The following RERE variants were observed in gnomAD, a reference collection of about 807,000 sequenced individuals.
RERE encodes arginine-glutamic acid dipeptide repeats, also known as arginine-glutamic acid dipeptide repeats protein.
RERE carries 40 observed loss-of-function variants against 146.1 expected under a neutral mutation model. That is an observed-to-expected ratio of 0.27 (90% CI 0.21 to 0.36). The LOEUF (loss-of-function observed/expected upper bound fraction) is 0.36. RERE is among the 10% of genes least tolerant of loss of function. The probability of loss-of-function intolerance (pLI) is 1.00; values close to 1 mark genes in which losing one functional copy is unlikely to be tolerated. For synonymous variants in RERE, 1,003 were observed against 866.0 expected, an observed-to-expected ratio of 1.16 and a Z score of -2.78; for missense variants, 1,933 against 2,138.7, an observed-to-expected ratio of 0.90 and a Z score of 1.90.
At position 8,791,639 on chromosome 1, in the gene RERE, A is replaced by C. The variant is rs150676055; in HGVS notation, c.-145+25521T>G. ...ACAAGTTACATTTCACTTACTAAGC[A>C]ACTGGTCTATCTTTTCAGAATAAAT... On this transcript the variant is annotated intron_variant, in intron 1 of 22. Transcript: ENST00000400908. 2.0e-5 allele frequency among the ~76,000 whole-genome samples: 3 copies of C among 152,324 alleles called. No homozygotes were observed. In the East Asian group the frequency reaches 5.8e-4, roughly 29 times the overall value.
At chr1:8,692,674 G>A (rs1032066730) in intron 1 of RERE, among the ~76,000 whole-genome samples, 1 of 152,026 alleles carries the variant, frequency 6.6e-6, no homozygotes, top group Non-Finnish European at 1.5e-5. Flanking sequence ...AGAATCTCTA[G>A]ATTACGTATA....
intron 8 of RERE, among the ~76,000 whole-genome samples, chr1:8,500,507 C>G (rs1363416308): frequency 6.6e-6 from 1 of 152,240 alleles, no homozygotes; most frequent in Non-Finnish European, 1.5e-5. Context: ...CTCGTTCACT[C>G]AGTGCTCAAT....
intron 8 of RERE, among the ~76,000 whole-genome samples, chr1:8,500,425 CTGGTCT>C (rs1271843928): frequency 6.6e-6 from 1 of 152,258 alleles, no homozygotes; most frequent in Non-Finnish European, 1.5e-5. Flanking sequence ...GTTGGCCGGG[CTGGTCT>C]CAGCTCCTGA....
At chr1:8,416,267 A>G (rs568563925) in intron 12 of RERE, among the ~76,000 whole-genome samples, 28 of 152,338 alleles carry the variant, frequency 1.8e-4, no homozygotes, top group African/African-American at 6.3e-4. Flanking sequence ...GGGAGTGGGA[A>G]TTGAGAAGAA....
chr1:8,587,495 C>A (rs998443128), intron 4 of RERE, among the ~76,000 whole-genome samples: 2 of 152,156 alleles, frequency 1.3e-5, no homozygotes, highest in Admixed American at 1.3e-4. Flanking sequence ...AACTTCACAT[C>A]CCTCCCCTCC....
intron 2 of RERE, among the ~76,000 whole-genome samples, chr1:8,645,840 T>C (rs559722382): frequency 1.1e-4 from 16 of 152,374 alleles, no homozygotes; most frequent in South Asian, 2.1e-4. Context: ...TGCTAAAGAA[T>C]TGTCTTTCAC....
At chr1:8,688,452 T>C (rs1639138033) in intron 1 of RERE, among the ~76,000 whole-genome samples, 2 of 151,964 alleles carry the variant, frequency 1.3e-5, no homozygotes, top group Non-Finnish European at 2.9e-5. Context: ...TCCTAGCTAC[T>C]TGGGAGGCTG....
At chr1:8,680,850 A>C (rs1161614665) in intron 1 of RERE, among the ~76,000 whole-genome samples, 1 of 152,178 alleles carries the variant, frequency 6.6e-6, no homozygotes, top group Non-Finnish European at 1.5e-5. Flanking sequence ...GAAAAACACT[A>C]TAGCCCGGGA....
At chr1:8,454,879 A>G (rs1340758320) in intron 11 of RERE, among the ~76,000 whole-genome samples, 1 of 152,128 alleles carries the variant, frequency 6.6e-6, no homozygotes, top group East Asian at 1.9e-4. Flanking sequence ...TGGGGAGATC[A>G]TACTTTCTTG....
In RERE at chr1:8,605,465, G is replaced by A. The variant is rs539708392; in HGVS notation, c.522+9096C>T. On this transcript the variant is annotated intron_variant, in intron 4 of 22. Transcript: ENST00000400908. ...TTACTTTAAGAGGTAACTAAAGGACGGGTGCGGTGGCTCACCCCTGTAATC... is the reference window on the plus strand; with the variant it reads ...TTACTTTAAGAGGTAACTAAAGGACAGGTGCGGTGGCTCACCCCTGTAATC... 3.2e-3 allele frequency among the ~76,000 whole-genome samples: 493 copies of A among 152,120 alleles called. 1 individual carries two copies. The highest frequency in any genetic ancestry group is 4.9e-3 in the Non-Finnish European group (330 of 67,996).
At chr1:8,463,467 C>T (rs1644552157) in intron 11 of RERE, among the ~76,000 whole-genome samples, 1 of 152,194 alleles carries the variant, frequency 6.6e-6, no homozygotes, top group Admixed American at 6.5e-5. Flanking sequence ...ACTTCCCTCT[C>T]AGCTCACAGC....
intron 1 of RERE, among the ~76,000 whole-genome samples, chr1:8,708,088 CA>C (rs984575335): frequency 2.6e-5 from 4 of 152,158 alleles, no homozygotes; most frequent in Non-Finnish European, 5.9e-5. Context: ...CCTTGGAACA[CA>C]TTCCCAAGGG....
intron 10 of RERE, among the ~76,000 whole-genome samples, chr1:8,481,370 T>G (rs1371164622): frequency 6.6e-6 from 1 of 152,174 alleles, no homozygotes; most frequent in Non-Finnish European, 1.5e-5. Context: ...TGCCTTGGCC[T>G]CCCAAAGTGC....
chr1:8,658,336 C>T (rs903453247), intron 1 of RERE, among the ~76,000 whole-genome samples: 1 of 152,168 alleles, frequency 6.6e-6, no homozygotes, highest in African/African-American at 2.4e-5. Context: ...ATCTAAGAAG[C>T]TTCTGTTTCT....
rs115290620 is a variant in RERE, at chr1:8,665,554, T to G, written c.-144-9113A>C. Among the ~76,000 whole-genome samples the G allele has an allele frequency of 2.6e-3, 399 of 152,226 alleles. 2 individuals carry two copies. The highest frequency in any genetic ancestry group is 9.1e-3 in the African/African-American group (379 of 41,544). ...GGTACTTGATTTGGTTCATAAACCA[T>G]GAGTAGGATAAGGAGACGCAAAGAG... is the stretch of plus-strand genomic sequence containing the variant. On this transcript the variant is annotated intron_variant, in intron 1 of 22. Transcript: ENST00000400908.
At chr1:8,700,793 T>C (rs187059119) in intron 1 of RERE, among the ~76,000 whole-genome samples, 1 of 152,294 alleles carries the variant, frequency 6.6e-6, no homozygotes. Context: ...TCCTATGTCA[T>C]TATAAAATGG....
intron 1 of RERE, among the ~76,000 whole-genome samples, chr1:8,722,638 A>G (rs1481266259): frequency 1.3e-5 from 2 of 152,210 alleles, no homozygotes; most frequent in African/African-American, 4.8e-5. Context: ...TGTACTAAAC[A>G]TGTATAGAAT....
chr1:8,544,696 A>G lies in RERE; in HGVS notation c.726-3378T>C, dbSNP rs553768366. 1.2e-3 allele frequency among the ~76,000 whole-genome samples: 182 copies of G among 152,360 alleles called. 1 individual carries two copies. The highest frequency in any genetic ancestry group is 2.2e-3 in the Non-Finnish European group (147 of 68,038). On this transcript the variant is annotated intron_variant, in intron 6 of 22. Transcript: ENST00000400908. The stretch of plus-strand genomic sequence containing the variant: ...AATATGCCAGGTCTTGTTTAGGGTC[A>G]AACACATTTCTGAAAATGTACACTT...
rs147867346 is a variant in RERE, at chr1:8,572,754, C to A, written c.523-15231G>T. Among the ~76,000 whole-genome samples the A allele has an allele frequency of 1.1e-3, 164 of 152,274 alleles. 2 individuals are homozygous for A. The highest frequency in any genetic ancestry group is 3.9e-3 in the African/African-American group (162 of 41,562). ...AGGAGAAGACCCCTTACCAATTCCCCCAACCCTCTCCTCTAAAATGTCCAA... is the reference window on the plus strand; with the variant it reads ...AGGAGAAGACCCCTTACCAATTCCCACAACCCTCTCCTCTAAAATGTCCAA... On this transcript the variant is annotated intron_variant, in intron 4 of 22. Transcript: ENST00000400908.
Sources: gnomAD v4.1 joint callset for allele counts (sites outside exome capture counted in the v4.1 genomes callset) on GRCh38, gnomAD v4.1.1 for gene constraint, MANE v1.5 for transcripts, NCBI Gene and HGNC (gene_info 2026-07-23, HGNC 2026-07-21) for gene names.